LRFN5: variants seen among roughly 807,000 people sequenced by gnomAD.
The protein encoded by LRFN5 is leucine rich repeat and fibronectin type III domain containing 5, also known as leucine-rich repeat and fibronectin type-III domain-containing protein 5.
LRFN5 carries 24 observed loss-of-function variants against 45.6 expected under a neutral mutation model. That is an observed-to-expected ratio of 0.53 (90% CI 0.38 to 0.74). The LOEUF (loss-of-function observed/expected upper bound fraction) is 0.74. Ranked by LOEUF, LRFN5 falls within the 30% of genes least tolerant of loss-of-function variation. The pLI, the probability that LRFN5 is intolerant of heterozygous loss-of-function variation, is 0.00. For missense variants in LRFN5, 776 were observed against 861.5 expected, an observed-to-expected ratio of 0.90 and a Z score of 1.24; for synonymous variants, 340 against 313.8, an observed-to-expected ratio of 1.08 and a Z score of -0.88.
At chr14:41,611,207 T>C (rs767372777) in intron 1 of LRFN5, among the ~76,000 whole-genome samples, 4 of 152,170 alleles carry the variant, frequency 2.6e-5, no homozygotes, top group Non-Finnish European at 4.4e-5. Context: ...TGTTTGAAAA[T>C]GTCACTCATT....
chr14:41,743,313 A>G (rs1370916245), intron 1 of LRFN5, among the ~76,000 whole-genome samples: 1 of 150,496 alleles, frequency 6.6e-6, no homozygotes, highest in Non-Finnish European at 1.5e-5. Flanking sequence ...ATCAGATATG[A>G]AATATACATG....
At chr14:41,814,095 CT>C (rs59789938) in intron 2 of LRFN5, among the ~76,000 whole-genome samples, 55,822 of 151,934 alleles carry the variant, frequency 0.37, 10,783 homozygotes, top group East Asian at 0.69. Flanking sequence ...CAAAATTTTT[CT>C]TCCATTCTGT....
intron 1 of LRFN5, among the ~76,000 whole-genome samples, chr14:41,654,629 A>G (rs1259847316): frequency 2.0e-4 from 31 of 152,072 alleles, no homozygotes; most frequent in Non-Finnish European, 8.8e-5. Flanking sequence ...AAAACTCAAT[A>G]CATTTTCAAG....
intron 2 of LRFN5, among the ~76,000 whole-genome samples, chr14:41,813,391 G>A (rs1887804925): frequency 6.6e-6 from 1 of 151,828 alleles, no homozygotes; most frequent in Non-Finnish European, 1.5e-5. Flanking sequence ...TCCCCTCCCT[G>A]TGCCCATATG....
intron 2 of LRFN5, among the ~76,000 whole-genome samples, chr14:41,767,633 T>C (rs1885934496): frequency 6.6e-6 from 1 of 151,972 alleles, no homozygotes; most frequent in Non-Finnish European, 1.5e-5. Flanking sequence ...AAAATGAAAA[T>C]CATATATAGG....
chr14:41,824,615 A>G (rs1162016053), intron 2 of LRFN5, among the ~76,000 whole-genome samples: 1 of 152,118 alleles, frequency 6.6e-6, no homozygotes, highest in Non-Finnish European at 1.5e-5. Context: ...CCTCCAGGCC[A>G]GTAGGTGGTG....
chr14:41,628,906 A>G (rs916844512), intron 1 of LRFN5, among the ~76,000 whole-genome samples: 1 of 152,128 alleles, frequency 6.6e-6, no homozygotes, highest in African/African-American at 2.4e-5. Flanking sequence ...TAAGGCACAG[A>G]GATGGTGCAT....
intron 1 of LRFN5, among the ~76,000 whole-genome samples, chr14:41,763,395 G>A (rs1260245480): frequency 2.0e-5 from 3 of 152,114 alleles, no homozygotes; most frequent in African/African-American, 2.4e-5. Context: ...GGTGCTGGAG[G>A]AGGTAATGAT....
chr14:41,755,580 A>C (rs527509039), intron 1 of LRFN5, among the ~76,000 whole-genome samples: 1 of 152,082 alleles, frequency 6.6e-6, no homozygotes, highest in Non-Finnish European at 1.5e-5. Flanking sequence ...AGAGACTAGG[A>C]TTGCAACCCC....
At chr14:41,748,056 T>C (rs1206415114) in intron 1 of LRFN5, among the ~76,000 whole-genome samples, 1 of 151,990 alleles carries the variant, frequency 6.6e-6, no homozygotes. Flanking sequence ...CTTTCTACGC[T>C]CTTGATGTGT....
chr14:41,718,664 C>T (rs1360055880), intron 1 of LRFN5, among the ~76,000 whole-genome samples: 1 of 152,214 alleles, frequency 6.6e-6, no homozygotes, highest in Middle Eastern at 3.2e-3. Context: ...CATCTCACGT[C>T]TTCCTGACTG....
intron 1 of LRFN5, among the ~76,000 whole-genome samples, chr14:41,715,860 A>G (rs1328340906): frequency 6.6e-6 from 1 of 152,156 alleles, no homozygotes; most frequent in Non-Finnish European, 1.5e-5. Flanking sequence ...CTCTGACCCC[A>G]CATTTCCCTT....
At chr14:41,656,406 G>A (rs1001491257) in intron 1 of LRFN5, among the ~76,000 whole-genome samples, 2 of 151,880 alleles carry the variant, frequency 1.3e-5, no homozygotes, top group Admixed American at 6.6e-5. Flanking sequence ...TTCTTGTTTG[G>A]TAGTATTTGA....
At chr14:41,773,514 T>A (rs929104348) in intron 2 of LRFN5, among the ~76,000 whole-genome samples, 18 of 152,186 alleles carry the variant, frequency 1.2e-4, no homozygotes, top group Non-Finnish European at 2.2e-4. Flanking sequence ...TTTTATTATA[T>A]TGTATATAAT....
intron 1 of LRFN5, among the ~76,000 whole-genome samples, chr14:41,670,272 T>G (rs1311036797): frequency 5.6e-5 from 3 of 53,738 alleles, no homozygotes; most frequent in Non-Finnish European, 9.3e-5. Flanking sequence ...TATATATATA[T>G]ATATATATAT....
intron 2 of LRFN5, among the ~76,000 whole-genome samples, chr14:41,803,293 C>T (rs1887402732): frequency 1.3e-5 from 2 of 151,852 alleles, no homozygotes; most frequent in South Asian, 2.1e-4. Flanking sequence ...ACCGTACCTA[C>T]AGTAATTGGT....
At chr14:41,755,769 A>C (rs1414966588) in intron 1 of LRFN5, among the ~76,000 whole-genome samples, 1 of 152,086 alleles carries the variant, frequency 6.6e-6, no homozygotes, top group African/African-American at 2.4e-5. Flanking sequence ...ATTTACCTTT[A>C]AGGTTAATAT....
chr14:41,902,617 T>G (rs185254894), intron 5 of LRFN5, among the ~76,000 whole-genome samples: 182 of 151,996 alleles, frequency 1.2e-3, no homozygotes, highest in African/African-American at 3.8e-3. Context: ...CTAGTAAATC[T>G]TTAAGATATG....
intron 2 of LRFN5, among the ~76,000 whole-genome samples, chr14:41,768,998 C>T (rs537537878): frequency 1.3e-5 from 2 of 151,534 alleles, no homozygotes; most frequent in African/African-American, 2.4e-5. Context: ...AGTCCATTAG[C>T]GTGTAGAAGT....
Sources: allele counts gnomAD v4.1 joint callset (sites outside exome capture counted in the v4.1 genomes callset), GRCh38; gene constraint gnomAD v4.1.1; transcripts MANE v1.5; gene names NCBI Gene and HGNC (gene_info 2026-07-23, HGNC 2026-07-21).